STK3: variants seen among roughly 807,000 people sequenced by gnomAD.
STK3 encodes serine/threonine-protein kinase 3.
A neutral mutation model predicts 58.0 loss-of-function variants in STK3; 41 were observed. The observed-to-expected ratio is 0.71, with a 90% CI of 0.55 to 0.92. STK3 has a LOEUF of 0.92. Ranked by LOEUF, STK3 falls within the 40% of genes least tolerant of loss-of-function variation. STK3 has a pLI of 0.00. For synonymous variants in STK3, 170 were observed against 191.0 expected (o/e 0.89, Z 0.91); for missense variants, 479 against 602.7 (o/e 0.79, Z 2.15).
intron 2 of STK3, among the ~76,000 whole-genome samples, chr8:98,769,767 T>C (rs1831177965): frequency 6.6e-6 from 1 of 152,216 alleles, no homozygotes; most frequent in South Asian, 2.1e-4. Context: ...GAAAATAAAG[T>C]ATAAGGACTA....
chr8:98,373,563 G>A (rs1025192351), intron 2 of STK3, among the ~76,000 whole-genome samples: 3 of 152,176 alleles, frequency 2.0e-5, no homozygotes, highest in African/African-American at 7.2e-5. Context: ...TAAAAACTGA[G>A]GCCTAGAGAG....
intron 10 of STK3, among the ~76,000 whole-genome samples, chr8:98,491,674 C>T (rs567047617): frequency 8.5e-5 from 13 of 152,166 alleles, no homozygotes; most frequent in Admixed American, 3.3e-4. Flanking sequence ...ACCTCATCAC[C>T]TAGGAAATTC....
chr8:98,757,353 G>C (rs1431079890), intron 3 of STK3, among the ~76,000 whole-genome samples: 1 of 149,734 alleles, frequency 6.7e-6, no homozygotes, highest in African/African-American at 2.4e-5. Context: ...GCTAATTTTT[G>C]TATTTAGTAG....
downstream of STK3, among the ~76,000 whole-genome samples, chr8:98,400,047 C>T (rs1045793529): frequency 2.0e-5 from 3 of 152,162 alleles, no homozygotes; most frequent in Admixed American, 1.3e-4. Context: ...CATCAGATCC[C>T]GGTGGTGAGC....
At chr8:98,846,292 T>C (rs959620409) in intron 3 of STK3, among the ~76,000 whole-genome samples, 1 of 152,124 alleles carries the variant, frequency 6.6e-6, no homozygotes, top group African/African-American at 2.4e-5. Flanking sequence ...CTCACTAGAA[T>C]AAAACAAATT....
At chr8:98,523,893 CT>C (rs1304758798) in intron 10 of STK3, among the ~76,000 whole-genome samples, 4 of 152,108 alleles carry the variant, frequency 2.6e-5, no homozygotes, top group African/African-American at 9.7e-5. Context: ...TTTTTTGTTA[CT>C]TGTTTTTAGT....
upstream of STK3, among the ~76,000 whole-genome samples, chr8:98,826,575 C>T (rs1564041508): frequency 6.6e-6 from 1 of 152,174 alleles, no homozygotes; most frequent in Admixed American, 6.5e-5. Flanking sequence ...CCTCTTTGGT[C>T]CTCTCCCCCA....
chr8:98,687,620 C>A, intron 6 of STK3, among the ~76,000 whole-genome samples: 1 of 152,080 alleles, frequency 6.6e-6, no homozygotes, highest in East Asian at 1.9e-4. Flanking sequence ...AGATTAGGGG[C>A]CAATTTTGAG....
intron 4 of STK3, among the ~76,000 whole-genome samples, chr8:98,726,770 T>C (rs1233500062): frequency 6.6e-6 from 1 of 152,084 alleles, no homozygotes; most frequent in East Asian, 1.9e-4. Context: ...GAAAATCCTT[T>C]AGCAAACATT....
chr8:98,549,074 C>T (rs932296351), intron 8 of STK3, among the ~76,000 whole-genome samples: 1 of 152,110 alleles, frequency 6.6e-6, no homozygotes, highest in Non-Finnish European at 1.5e-5. Flanking sequence ...GAACACTGAC[C>T]TACAAGTATC....
chr8:98,795,117 T>C (rs1564008724), intron 1 of STK3, among the ~76,000 whole-genome samples: 1 of 103,440 alleles, frequency 9.7e-6, no homozygotes, highest in African/African-American at 3.9e-5. Flanking sequence ...TATATATATA[T>C]ATATATATAT....
chr8:98,409,617 C>T (rs1447671100), intron 3 of STK3, among the ~76,000 whole-genome samples: 2 of 152,256 alleles, frequency 1.3e-5, no homozygotes, highest in African/African-American at 4.8e-5. Context: ...AGCTACCGCA[C>T]CTTGCAATGT....
intron 6 of STK3, among the ~76,000 whole-genome samples, chr8:98,692,453 C>A (rs1554650515): frequency 6.8e-6 from 1 of 146,706 alleles, no homozygotes; most frequent in South Asian, 2.2e-4. Flanking sequence ...CTACATAAAA[C>A]ACACACACAC....
At chr8:98,779,115 C>T (rs1053464437) in intron 1 of STK3, among the ~76,000 whole-genome samples, 1 of 152,008 alleles carries the variant, frequency 6.6e-6, no homozygotes, top group Non-Finnish European at 1.5e-5. Context: ...CCTGGCCCCT[C>T]AGCTGCTTCT....
At chr8:98,402,693 G>A (rs1473077719) in intron 3 of STK3, among the ~76,000 whole-genome samples, 1 of 152,228 alleles carries the variant, frequency 6.6e-6, no homozygotes, top group Non-Finnish European at 1.5e-5. Flanking sequence ...CATCTGTGCA[G>A]GGCCAGCCAG....
Position 98,428,991 on chromosome 8 carries a change from G to A in STK3, n.483+5136C>T, listed in dbSNP as rs1563600145. 2 of 1,614,146 alleles carry A rather than the reference G, an allele frequency of 1.2e-6. No individual in the cohort carries two copies. Among genetic ancestry groups the A allele is most frequent in the East Asian group, 2.2e-5 (1 of 44,854 alleles). The stretch of plus-strand genomic sequence containing the variant: ...AGGGCTGCTCTTGCTCTACCTCTCC[G>A]TGGGGATTTCCATCTTCTCCGTGGT... On this transcript the variant is annotated intron_variant and non_coding_transcript_variant, in intron 3 of 3. Transcript: ENST00000517832. This position sits in a 1 kb window ranked among gnomAD's most constrained non-coding sequence, Gnocchi z 6.7.
At chr8:98,903,682 T>G (rs1838773331) in intron 1 of STK3, among the ~76,000 whole-genome samples, 1 of 151,958 alleles carries the variant, frequency 6.6e-6, no homozygotes, top group African/African-American at 2.4e-5. Context: ...GCATTACAGA[T>G]GTGAACCACT....
intron 8 of STK3, among the ~76,000 whole-genome samples, chr8:98,562,742 A>AAG (rs1812156833): frequency 7.6e-6 from 1 of 132,118 alleles, no homozygotes; most frequent in Admixed American, 7.3e-5. Flanking sequence ...AAAATGAAAA[A>AAG]AAAAAAAAAA....
At chr8:98,731,044 A>G (rs543530144) in intron 4 of STK3, among the ~76,000 whole-genome samples, 49 of 152,310 alleles carry the variant, frequency 3.2e-4, no homozygotes, top group African/African-American at 1.2e-3. Flanking sequence ...ATACATATTC[A>G]ACGACAGGAG....
Sources: allele counts gnomAD v4.1 joint callset (sites outside exome capture counted in the v4.1 genomes callset), GRCh38; gene constraint gnomAD v4.1.1; non-coding constraint Gnocchi (gnomAD v3.1); transcripts MANE v1.5; gene names NCBI Gene and HGNC (gene_info 2026-07-23, HGNC 2026-07-21).